The following CNTN4 variants were observed in gnomAD, a reference collection of about 807,000 sequenced individuals.
CNTN4 encodes the protein contactin 4.
A neutral mutation model predicts 122.5 loss-of-function variants in CNTN4; 77 were observed. The observed-to-expected ratio is 0.63, with a 90% CI of 0.52 to 0.76. The LOEUF is 0.76. CNTN4 is among the 30% of genes least tolerant of loss of function. The pLI, the probability that CNTN4 is intolerant of heterozygous loss-of-function variation, is 0.00. For missense variants in CNTN4, 1,256 were observed against 1,259.1 expected (o/e 1.00, Z 0.04); for synonymous variants, 512 against 447.0 (o/e 1.15, Z -1.83).
chr3:2,611,922 C>T (rs975734481), intron 4 of CNTN4, among the ~76,000 whole-genome samples: 3 of 151,976 alleles, frequency 2.0e-5, no homozygotes, highest in African/African-American at 4.8e-5. Flanking sequence ...TATGGTGAGA[C>T]ACACTACTAG....
intron 3 of CNTN4, among the ~76,000 whole-genome samples, chr3:2,379,573 A>G (rs2045942585): frequency 6.6e-6 from 1 of 152,232 alleles, no homozygotes; most frequent in Non-Finnish European, 1.5e-5. Flanking sequence ...TATGAGCATT[A>G]GATGAGTATT....
At chr3:2,881,521 A>G (rs577249202) in intron 8 of CNTN4, among the ~76,000 whole-genome samples, 12 of 151,946 alleles carry the variant, frequency 7.9e-5, no homozygotes, top group Admixed American at 3.3e-4. Context: ...TCAAGAAAAA[A>G]AAAAAAAAAA....
chr3:2,723,812 G>A (rs2728050), intron 4 of CNTN4, among the ~76,000 whole-genome samples: 143,862 of 152,256 alleles, frequency 0.94, 68,018 homozygotes, highest in African/African-American at 0.95. Context: ...AGCAGTTGCC[G>A]TAGTGTATCA....
intron 8 of CNTN4, among the ~76,000 whole-genome samples, chr3:2,874,367 T>C (rs2093819309): frequency 6.6e-6 from 1 of 152,246 alleles, no homozygotes. Flanking sequence ...ACTGGAATTA[T>C]TGAATTGAGT....
At chr3:2,412,444 G>A (rs2047259418) in intron 3 of CNTN4, among the ~76,000 whole-genome samples, 1 of 151,848 alleles carries the variant, frequency 6.6e-6, no homozygotes, top group Admixed American at 6.6e-5. Flanking sequence ...TTGGAGACGG[G>A]GTTTCACTAT....
chr3:2,975,587 G>C, intron 13 of CNTN4, among the ~76,000 whole-genome samples: 1 of 152,100 alleles, frequency 6.6e-6, no homozygotes, highest in East Asian at 1.9e-4. Flanking sequence ...ACTCAACTTA[G>C]TATATTTACA....
chr3:2,887,433 A>G (rs2151016846), intron 10 of CNTN4, among the ~76,000 whole-genome samples: 1 of 152,232 alleles, frequency 6.6e-6, no homozygotes, highest in Middle Eastern at 3.4e-3. Flanking sequence ...GCAGAGAGGA[A>G]GACATTAGGC....
chr3:2,630,175 C>A (rs958549533), intron 4 of CNTN4, among the ~76,000 whole-genome samples: 4 of 152,196 alleles, frequency 2.6e-5, no homozygotes, highest in Non-Finnish European at 5.9e-5. Flanking sequence ...TGGCTCATGC[C>A]TGTAATCTCA....
Position 2,819,491 on chromosome 3 carries a change from G to C in CNTN4, c.364G>C (p.Asp122His), listed in dbSNP as rs878949592. Residue 122 changes from aspartate (D) to histidine (H), a missense_variant, in exon 7 of 25, where the codon GAC becomes CAC. By Grantham distance (81) the Asp-to-His change is moderately conservative. Transcript: ENST00000418658. The part of the protein sequence containing the change: ...REAKLQFAYL[D>H]NFKTRTRSTV... ...TCCCATATTTCTCCCAACAGATCTT[G>C]ACAACTTTAAAACAAGAACAAGAAG... is the stretch of plus-strand genomic sequence containing the variant. 1.2e-6 allele frequency: 2 copies of C among 1,613,408 alleles called. No individual in the cohort carries two copies. Among genetic ancestry groups the C allele is most frequent in the South Asian group, 1.1e-5 (1 of 91,050 alleles).
intron 13 of CNTN4, among the ~76,000 whole-genome samples, chr3:2,961,883 A>G (rs2094864016): frequency 6.6e-6 from 1 of 152,248 alleles, no homozygotes; most frequent in Non-Finnish European, 1.5e-5. Flanking sequence ...CTTAACTTCT[A>G]CAATCCATTT....
At chr3:2,456,301 C>T (rs2048997063) in intron 3 of CNTN4, among the ~76,000 whole-genome samples, 1 of 152,076 alleles carries the variant, frequency 6.6e-6, no homozygotes, top group African/African-American at 2.4e-5. Flanking sequence ...AATAAAGCAA[C>T]ACCTGCCTCT....
At chr3:2,507,747 A>G (rs951642841) in intron 3 of CNTN4, among the ~76,000 whole-genome samples, 8 of 150,420 alleles carry the variant, frequency 5.3e-5, no homozygotes, top group African/African-American at 9.7e-5. Context: ...AAAAAAAAAA[A>G]AAAGAAAGAA....
At chr3:2,917,741 C>G (rs1387364094) in intron 12 of CNTN4, among the ~76,000 whole-genome samples, 2 of 152,182 alleles carry the variant, frequency 1.3e-5, no homozygotes, top group African/African-American at 2.4e-5. Context: ...CTTAAGCCAT[C>G]ACAGCAGAGT....
intron 6 of CNTN4, among the ~76,000 whole-genome samples, chr3:2,798,048 T>G (rs2092244868): frequency 8.3e-6 from 1 of 120,766 alleles, no homozygotes; most frequent in Non-Finnish European, 1.7e-5. Flanking sequence ...TTGTACCCAT[T>G]AAGTATTTTT....
chr3:3,038,091 G>C (rs1452133005), intron 18 of CNTN4, among the ~76,000 whole-genome samples: 1 of 152,176 alleles, frequency 6.6e-6, no homozygotes, highest in Admixed American at 6.5e-5. Flanking sequence ...AACTCATCTA[G>C]ATCTATTTGA....
In CNTN4 at chr3:2,747,326, G is replaced by A. The variant is rs563066444; in HGVS notation, c.358+1629G>A. Among the ~76,000 whole-genome samples, 509 of 151,568 alleles carry A rather than the reference G, an allele frequency of 3.4e-3. 1 individual carries two copies. Among genetic ancestry groups the A allele is most frequent in the South Asian group, 0.019 (91 of 4,802 alleles). Reference sequence around the variant, plus strand: ...CGGGAGGCTGAGGCAGGAGAATGGCGGGAACCCGGGAGGCGGAGCTTGCAG... The same window carrying A: ...CGGGAGGCTGAGGCAGGAGAATGGCAGGAACCCGGGAGGCGGAGCTTGCAG... On this transcript the variant is annotated intron_variant, in intron 6 of 24. Transcript: ENST00000418658.
At chr3:2,724,948 C>T (rs1189632520) in intron 4 of CNTN4, among the ~76,000 whole-genome samples, 1 of 152,170 alleles carries the variant, frequency 6.6e-6, no homozygotes, top group East Asian at 1.9e-4. Context: ...GGTGGTTTCT[C>T]CCAGTCCCAC....
chr3:2,373,861 G>A (rs76475885), intron 3 of CNTN4, among the ~76,000 whole-genome samples: 1 of 152,258 alleles, frequency 6.6e-6, no homozygotes, highest in East Asian at 1.9e-4. Flanking sequence ...CAAAGTAGAT[G>A]CAATTATTGG....
chr3:2,297,090 A>T (rs536622878), intron 2 of CNTN4, among the ~76,000 whole-genome samples: 1 of 152,286 alleles, frequency 6.6e-6, no homozygotes, highest in African/African-American at 2.4e-5. Context: ...CTATTGTCAA[A>T]ATCTGAATTT....
Sources: allele counts gnomAD v4.1 joint callset (sites outside exome capture counted in the v4.1 genomes callset), GRCh38; gene constraint gnomAD v4.1.1; transcripts MANE v1.5; gene names NCBI Gene and HGNC (gene_info 2026-07-23, HGNC 2026-07-21).